MAGI2: variants seen among roughly 807,000 people sequenced by gnomAD.
MAGI2 encodes the protein membrane-associated guanylate kinase, WW and PDZ domain-containing protein 2.
MAGI2 carries 35 observed loss-of-function variants against 133.3 expected under a neutral mutation model. That is an observed-to-expected ratio of 0.26 (90% CI 0.20 to 0.35). The LOEUF (loss-of-function observed/expected upper bound fraction) is 0.35, where lower values mean the gene tolerates loss of function less well. Among genes scored for constraint, MAGI2 ranks in the 10% least tolerant of loss-of-function variants. The probability of loss-of-function intolerance (pLI) is 1.00; values close to 1 mark genes in which losing one functional copy is unlikely to be tolerated. For missense variants in MAGI2, 1,636 were observed against 1,863.4 expected, an observed-to-expected ratio of 0.88 and a Z score of 2.25; for synonymous variants, 729 against 710.6, an observed-to-expected ratio of 1.03 and a Z score of -0.41.
In MAGI2 at chr7:78,487,798, T is replaced by A. The variant is rs189548779; in HGVS notation, c.1045+1963A>T. On this transcript the variant is annotated intron_variant, in intron 6 of 21. Coordinates refer to ENST00000354212, the MANE Select transcript of MAGI2 (RefSeq NM_012301.4). ...TACATTTTTAAATACACATTTTATA[T>A]GTATTCCTGCATTCAGAAAATTACT... Among the ~76,000 whole-genome samples the A allele has an allele frequency of 1.4e-3, 211 of 152,228 alleles. 1 individual carries two copies. The highest frequency in any genetic ancestry group is 0.01 in the Middle Eastern group (3 of 294).
rs183817454 is a variant in MAGI2 at position 78,560,851 on chromosome 7, A to T, written c.539-39206T>A. 3.1e-3 allele frequency among the ~76,000 whole-genome samples: 469 copies of T among 152,188 alleles called. 1 individual carries two copies. The highest frequency in any genetic ancestry group is 0.017 in the Middle Eastern group (5 of 294). On this transcript the variant is annotated intron_variant, in intron 3 of 21. Transcript: ENST00000354212. ...CTAGGATAATGAGAGAAGGCTGATC[A>T]TGGACAACATATAGCCTTTCTAGTA...
chr7:79,223,918 A>G (rs1830646717), intron 1 of MAGI2, among the ~76,000 whole-genome samples: 2 of 152,042 alleles, frequency 1.3e-5, no homozygotes, highest in African/African-American at 4.8e-5. Context: ...GCATCAGCTT[A>G]GTTCCACATA....
intron 10 of MAGI2, among the ~76,000 whole-genome samples, chr7:78,203,988 G>C (rs1327429359): frequency 6.6e-6 from 1 of 152,036 alleles, no homozygotes; most frequent in African/African-American, 2.4e-5. Context: ...AAATTAAAAA[G>C]CACTAAAAAC....
chr7:78,095,407 C>G (rs551244751), intron 20 of MAGI2, among the ~76,000 whole-genome samples: 2 of 152,132 alleles, frequency 1.3e-5, no homozygotes, highest in Non-Finnish European at 2.9e-5. Flanking sequence ...AGGCTGAAGC[C>G]CCAAATCACC....
intron 6 of MAGI2, among the ~76,000 whole-genome samples, chr7:78,422,243 G>T (rs1798867451): frequency 6.6e-6 from 1 of 152,100 alleles, no homozygotes; most frequent in South Asian, 2.1e-4. Context: ...GCCAGCTGCG[G>T]TACATGCGTA....
intron 1 of MAGI2, among the ~76,000 whole-genome samples, chr7:79,041,787 T>C (rs1392126025): frequency 2.6e-5 from 4 of 152,176 alleles, no homozygotes; most frequent in Non-Finnish European, 5.9e-5. Flanking sequence ...GTGGCTGGCA[T>C]AATTAAATAT....
At chr7:78,993,827 T>C (rs1384856468) in intron 2 of MAGI2, among the ~76,000 whole-genome samples, 2 of 151,912 alleles carry the variant, frequency 1.3e-5, no homozygotes, top group Admixed American at 1.3e-4. Flanking sequence ...AAAGAAAAAA[T>C]AATCTTTGAC....
chr7:78,264,084 G>T (rs1020004774), intron 9 of MAGI2, among the ~76,000 whole-genome samples: 4 of 152,014 alleles, frequency 2.6e-5, no homozygotes, highest in Non-Finnish European at 4.4e-5. Flanking sequence ...TCCTGATAGC[G>T]TGATTCTTCA....
chr7:78,266,808 G>A (rs566140340), intron 9 of MAGI2, among the ~76,000 whole-genome samples: 6 of 152,030 alleles, frequency 3.9e-5, no homozygotes, highest in South Asian at 4.1e-4. Flanking sequence ...TCGTGACCTC[G>A]TGATCCGCCC....
chr7:78,031,263 G>A, intron 21 of MAGI2, among the ~76,000 whole-genome samples: 1 of 152,068 alleles, frequency 6.6e-6, no homozygotes, highest in South Asian at 2.1e-4. Context: ...TTATGAAACT[G>A]TTCTATATCT....
chr7:78,478,301 T>C (rs1791992895), intron 6 of MAGI2, among the ~76,000 whole-genome samples: 1 of 151,926 alleles, frequency 6.6e-6, no homozygotes, highest in Non-Finnish European at 1.5e-5. Flanking sequence ...AAATATTTAA[T>C]CTAGTTTCCC....
At chr7:78,585,290 C>T (rs546551520) in intron 3 of MAGI2, among the ~76,000 whole-genome samples, 11 of 152,146 alleles carry the variant, frequency 7.2e-5, no homozygotes, top group South Asian at 2.1e-4. Flanking sequence ...TTCGAGACAC[C>T]GGTAACTTCA....
At chr7:78,794,633 G>A (rs756156614) in intron 2 of MAGI2, among the ~76,000 whole-genome samples, 70 of 150,978 alleles carry the variant, frequency 4.6e-4, no homozygotes, top group Non-Finnish European at 9.3e-4. Context: ...AAATTCTAAA[G>A]GAATATTTAA....
intron 1 of MAGI2, among the ~76,000 whole-genome samples, chr7:79,151,104 A>C (rs1424378095): frequency 6.6e-6 from 1 of 152,116 alleles, no homozygotes. Flanking sequence ...TGAAATTACC[A>C]GTTATTATCA....
chr7:78,052,810 A>G (rs759859517), intron 21 of MAGI2, among the ~76,000 whole-genome samples: 6 of 152,242 alleles, frequency 3.9e-5, no homozygotes, highest in Non-Finnish European at 8.8e-5. Context: ...CTGAGGAAAT[A>G]ATCAAGGATA....
intron 1 of MAGI2, among the ~76,000 whole-genome samples, chr7:79,042,518 C>T (rs1261826124): frequency 2.6e-5 from 4 of 152,080 alleles, no homozygotes; most frequent in Admixed American, 6.6e-5. Context: ...GGCATTTAGC[C>T]TGTTTACATT....
chr7:78,380,844 T>A (rs1028491676), intron 6 of MAGI2, among the ~76,000 whole-genome samples: 1 of 152,118 alleles, frequency 6.6e-6, no homozygotes, highest in Non-Finnish European at 1.5e-5. Flanking sequence ...ATCTCATGTA[T>A]CCCATAAATA....
intron 1 of MAGI2, among the ~76,000 whole-genome samples, chr7:79,169,722 C>A (rs1266406963): frequency 1.3e-5 from 2 of 152,050 alleles, no homozygotes; most frequent in African/African-American, 4.8e-5. Context: ...TAGCAGTTTA[C>A]TGAACTTACA....
At chr7:78,708,827 G>A (rs1403917037) in intron 2 of MAGI2, among the ~76,000 whole-genome samples, 1 of 150,938 alleles carries the variant, frequency 6.6e-6, no homozygotes, top group Non-Finnish European at 1.5e-5. Context: ...AGAGGCAAAT[G>A]TCAAGGATTC....
Sources: allele counts gnomAD v4.1 joint callset (sites outside exome capture counted in the v4.1 genomes callset), GRCh38; gene constraint gnomAD v4.1.1; transcripts MANE v1.5; gene names NCBI Gene and HGNC (gene_info 2026-07-23, HGNC 2026-07-21).